Variants in CHST8 observed in about 807,000 individuals in gnomAD.
CHST8 encodes the protein GALNAC-4-ST1.
A neutral mutation model predicts 15.0 loss-of-function variants in CHST8; 10 were observed. That is an observed-to-expected ratio of 0.67 (90% CI 0.41 to 1.13). The LOEUF (loss-of-function observed/expected upper bound fraction) is 1.13. CHST8 is among the 50% of genes most tolerant of loss of function. The pLI is 0.00. For synonymous variants in CHST8, 259 were observed against 256.6 expected (o/e 1.01, Z -0.09); for missense variants, 634 against 608.2 (o/e 1.04, Z -0.45).
In CHST8 at chr19:33,669,228, CCACAGAGTTCACATTGT is replaced by C. The variant is rs1432393438; in HGVS notation, c.-87+1402_-87+1418del. ...TGCCCCATCACCCTTTGGCTACTGG[CCACAGAGTTCACATTGT>C]CACAGAGTTCACATTGCCATCTACA... On this transcript the variant is annotated intron_variant, in intron 2 of 4. Transcript: ENST00000650847. Among the ~76,000 whole-genome samples, 6 of 152,294 alleles carry C rather than the reference CCACAGAGTTCACATTGT, an allele frequency of 3.9e-5. No individual in the cohort carries two copies. In the East Asian group the frequency reaches 7.7e-4, roughly 20 times the overall value.
chr19:33,659,674 G>A (rs1447020952), intron 1 of CHST8, among the ~76,000 whole-genome samples: 1 of 152,080 alleles, frequency 6.6e-6, no homozygotes, highest in Admixed American at 6.5e-5. Flanking sequence ...ACCAGGAAAG[G>A]TGGCTTGTGC....
chr19:33,664,845 T>C (rs534553212), intron 1 of CHST8, among the ~76,000 whole-genome samples: 51 of 152,304 alleles, frequency 3.3e-4, no homozygotes, highest in Non-Finnish European at 5.7e-4. Flanking sequence ...GAGAACATAA[T>C]GATATTTATC....
At chr19:33,645,470 T>C (rs1317501693) in intron 1 of CHST8, among the ~76,000 whole-genome samples, 1 of 152,118 alleles carries the variant, frequency 6.6e-6, no homozygotes, top group African/African-American at 2.4e-5. Flanking sequence ...GCAGATGGGT[T>C]GATTCTAGAT....
At chr19:33,707,149 C>A (rs1973463069) in intron 3 of CHST8, among the ~76,000 whole-genome samples, 1 of 152,104 alleles carries the variant, frequency 6.6e-6, no homozygotes, top group Non-Finnish European at 1.5e-5. Context: ...AACTCCTGGG[C>A]TCAAGCGATC....
At chr19:33,743,824 C>T (rs1438169512) in intron 3 of CHST8, among the ~76,000 whole-genome samples, 1 of 148,750 alleles carries the variant, frequency 6.7e-6, no homozygotes, top group Non-Finnish European at 1.5e-5. Context: ...TGGAGTCTCA[C>T]TCTGTCGACC....
At chr19:33,663,025 C>T (rs759818619) in intron 1 of CHST8, among the ~76,000 whole-genome samples, 1 of 152,148 alleles carries the variant, frequency 6.6e-6, no homozygotes, top group African/African-American at 2.4e-5. Flanking sequence ...CACACAAAGA[C>T]CCCGTGATGG....
chr19:33,723,498 C>A (rs117383539), intron 3 of CHST8, among the ~76,000 whole-genome samples: 1 of 152,318 alleles, frequency 6.6e-6, no homozygotes, highest in East Asian at 1.9e-4. Flanking sequence ...AGCAGGCTGT[C>A]CTTCCCTGAG....
intron 1 of CHST8, among the ~76,000 whole-genome samples, chr19:33,641,883 CT>C (rs1274677390): frequency 6.6e-6 from 1 of 152,204 alleles, no homozygotes. Context: ...TATGAAATCG[CT>C]TCCCCTCTGA....
chr19:33,702,265 C>T (rs559473533), intron 3 of CHST8, among the ~76,000 whole-genome samples: 6 of 152,196 alleles, frequency 3.9e-5, no homozygotes, highest in Non-Finnish European at 5.9e-5. Context: ...GGATTATAGG[C>T]GTGAGCCACC....
chr19:33,720,942 C>G (rs137997309), intron 3 of CHST8, among the ~76,000 whole-genome samples: 124 of 152,368 alleles, frequency 8.1e-4, no homozygotes, highest in African/African-American at 2.8e-3. Flanking sequence ...GGAGTGGTGC[C>G]CAGACCTGGC....
chr19:33,757,430 GAA>G (rs1167464595), intron 3 of CHST8, among the ~76,000 whole-genome samples: 947 of 16,924 alleles, frequency 0.056, 147 homozygotes, highest in Middle Eastern at 0.14. Flanking sequence ...AAGAAAGAAA[GAA>G]AGAAAGAAAG....
Position 33,765,513 on chromosome 19 carries a change from T to TGTG in CHST8, c.131-5900_131-5899insGTG, listed in dbSNP as rs1974816215. Among the ~76,000 whole-genome samples, 220 of 131,734 alleles carry TGTG rather than the reference T, an allele frequency of 1.7e-3. 2 individuals are homozygous for TGTG. Among genetic ancestry groups the TGTG allele is most frequent in the African/African-American group, 5.1e-3 (171 of 33,724 alleles). 86.4% of individuals were successfully genotyped at this position (131,734 alleles called of 152,430 possible). A position where few individuals can be genotyped will look rare whatever the true frequency, so the allele number is the denominator to read the frequency against. On this transcript the variant is annotated intron_variant, in intron 3 of 4. Transcript: ENST00000650847. ...ACAGGGTTTAGACAAATGCCAGTCT[T>TGTG]TGTGTGTGTGTGTGTGTGTGTGTGT...
rs192562138 is a variant in CHST8 at position 33,691,276 on chromosome 19, G to A, written c.130+1885G>A. Reference sequence around the variant, plus strand: ...AGGGGATGTCAGATGGCACGGAGCCGAGGCCATCATCCCTTTGCAGCTGGC... The same window carrying A: ...AGGGGATGTCAGATGGCACGGAGCCAAGGCCATCATCCCTTTGCAGCTGGC... On this transcript the variant is annotated intron_variant, in intron 3 of 4. Transcript: ENST00000650847. Among the ~76,000 whole-genome samples, 6 of 152,284 alleles carry A rather than the reference G, an allele frequency of 3.9e-5. No individual in the cohort carries two copies. In the East Asian group the frequency reaches 9.7e-4, roughly 25 times the overall value.
chr19:33,660,982 T>C (rs1972578261), intron 1 of CHST8, among the ~76,000 whole-genome samples: 1 of 152,134 alleles, frequency 6.6e-6, no homozygotes, highest in Non-Finnish European at 1.5e-5. Flanking sequence ...TAGCCTGGCC[T>C]GTGTGTTTGG....
chr19:33,642,840 A>G (rs1972301476), intron 1 of CHST8, among the ~76,000 whole-genome samples: 1 of 152,222 alleles, frequency 6.6e-6, no homozygotes, highest in South Asian at 2.1e-4. Context: ...TCATTTTATC[A>G]AAATGCAATA....
At chr19:33,650,502 T>G (rs1335638709) in intron 1 of CHST8, among the ~76,000 whole-genome samples, 1 of 117,352 alleles carries the variant, frequency 8.5e-6, no homozygotes, top group Non-Finnish European at 1.6e-5. Flanking sequence ...TTTCTTTTTC[T>G]TTTTCTTTTT....
At chr19:33,694,018 G>A (rs1973148783) in intron 3 of CHST8, among the ~76,000 whole-genome samples, 1 of 146,058 alleles carries the variant, frequency 6.8e-6, no homozygotes, top group Admixed American at 6.9e-5. Context: ...AGTGAGTGGT[G>A]TGGATTGATT....
intron 3 of CHST8, among the ~76,000 whole-genome samples, chr19:33,703,385 C>A (rs966963446): frequency 1.3e-5 from 2 of 152,254 alleles, no homozygotes; most frequent in African/African-American, 4.8e-5. Flanking sequence ...AGTCCACCCA[C>A]GCTCCAAGGA....
chr19:33,655,414 T>C (rs541931720), intron 1 of CHST8, among the ~76,000 whole-genome samples: 22 of 152,226 alleles, frequency 1.4e-4, no homozygotes, highest in Admixed American at 3.9e-4. Flanking sequence ...TTTTGTTTCA[T>C]CTTTGGCAGA....
Sources: gnomAD v4.1 joint callset for allele counts (sites outside exome capture counted in the v4.1 genomes callset) on GRCh38, gnomAD v4.1.1 for gene constraint, MANE v1.5 for transcripts, NCBI Gene and HGNC (gene_info 2026-07-23, HGNC 2026-07-21) for gene names.